The following TPM1 variants were observed in gnomAD, a reference collection of about 807,000 sequenced individuals.
The protein encoded by TPM1 is tropomyosin alpha-1 chain.
In TPM1, 24 loss-of-function variants were observed where a neutral mutation model predicts 42.9. The observed-to-expected ratio is 0.56, with a 90% CI of 0.41 to 0.79. TPM1 has a LOEUF of 0.79. TPM1 is among the 30% of genes least tolerant of loss of function. The probability of loss-of-function intolerance (pLI) is 0.00; values close to 1 mark genes in which losing one functional copy is unlikely to be tolerated. For missense variants in TPM1, 158 were observed against 351.8 expected, an observed-to-expected ratio of 0.45 and a Z score of 4.41; for synonymous variants, 136 against 130.1, an observed-to-expected ratio of 1.05 and a Z score of -0.31.
At chr15:63,065,706 AG>A (rs759734876) in intron 9 of TPM1, 189 bp from the exon 10 acceptor site, 1 of 963,740 alleles carries the variant, frequency 1.0e-6, no homozygotes, top group Non-Finnish European at 1.2e-6. Context: ...CCTTGCCGAA[AG>A]GCGGCCTGTG....
At chr15:63,070,196 TAGC>T (rs969448870), downstream of TPM1, 1 of 1,272,724 alleles carries the variant, frequency 7.9e-7, no homozygotes, top group African/African-American at 1.5e-5. Flanking sequence ...CTCCTTGAAA[TAGC>T]AGGTCCTCTT....
chr15:63,043,126 C>T lies in TPM1; in HGVS notation c.114+183C>T, dbSNP rs113902220. 486 of 610,130 alleles carry T rather than the reference C, an allele frequency of 8.0e-4. 6 individuals are homozygous for T. The African/African-American group carries it at 8.2e-3, about 10-fold the overall frequency. The allele number at this position is 610,130 out of a possible 1,614,324, so 37.8% of individuals were successfully genotyped here. ...AACGCAAGAGCCAGGCTTAGTCTAACTTAGTCTGGTCTGAGGACGCTTATT... is the reference window on the plus strand; with the variant it reads ...AACGCAAGAGCCAGGCTTAGTCTAATTTAGTCTGGTCTGAGGACGCTTATT... On this transcript the variant is annotated intron_variant, in intron 1 of 9. Coordinates refer to ENST00000403994, the MANE Select transcript of TPM1 (RefSeq NM_001018005.2).
At chr15:63,070,373 G>GT, downstream of TPM1, 1 of 995,638 alleles carries the variant, frequency 1.0e-6, no homozygotes, top group Non-Finnish European at 1.2e-6. Flanking sequence ...TAAATATCTG[G>GT]TATAGTGTTT....
intron 2 of TPM1, chr15:63,048,286 A>C (rs968560457): frequency 6.3e-6 from 4 of 637,232 alleles, no homozygotes; most frequent in Non-Finnish European, 1.0e-5. Context: ...GCGCGCCGGG[A>C]GCGCCTTTCT....
At chr15:63,053,215 T>A (rs1232970695) in intron 2 of TPM1, among the ~76,000 whole-genome samples, 1 of 152,248 alleles carries the variant, frequency 6.6e-6, no homozygotes, top group African/African-American at 2.4e-5. Context: ...AAGATTGTGA[T>A]AATCACTTTA....
Position 63,048,595 on chromosome 15 carries a change from T to G in TPM1, c.240+4443T>G, listed in dbSNP as rs1266217621. 2.6e-6 allele frequency: 4 copies of G among 1,531,578 alleles called. No homozygotes were observed. Among genetic ancestry groups the G allele is most frequent in the Non-Finnish European group, 3.5e-6 (4 of 1,141,638 alleles). The allele number at this position is 1,531,578 out of a possible 1,614,324, so 94.9% of individuals were successfully genotyped here. Reference sequence around the variant, plus strand: ...GGCGCGATGGCGGGGAGTAGCTCGCTGGAGGCGGTGCGCAGGAAGATCCGG... The same window carrying G: ...GGCGCGATGGCGGGGAGTAGCTCGCGGGAGGCGGTGCGCAGGAAGATCCGG... On this transcript the variant is annotated intron_variant, in intron 2 of 9. Transcript: ENST00000403994.
intron 2 of TPM1, chr15:63,045,534 G>A (rs1039668914): frequency 3.9e-5 from 6 of 152,138 alleles, no homozygotes; most frequent in African/African-American, 9.7e-5. Flanking sequence ...CCAGCAGGAC[G>A]TTTATTTAGC....
intron 2 of TPM1, among the ~76,000 whole-genome samples, chr15:63,055,278 C>T (rs1007992237): frequency 1.3e-5 from 2 of 152,222 alleles, no homozygotes; most frequent in African/African-American, 4.8e-5. Flanking sequence ...CCAATTACTA[C>T]ATTTTTGTCA....
chr15:63,056,821 T>C, intron 2 of TPM1, 164 bp from the exon 3 acceptor site: 4 of 847,296 alleles, frequency 4.7e-6, no homozygotes, highest in Non-Finnish European at 7.9e-6. Context: ...TGTGTAAATG[T>C]GTCCGAGAAC....
Position 63,057,374 on chromosome 15 carries a change from C to G in TPM1, c.374+256C>G, listed in dbSNP as rs566982838. On this transcript the variant is annotated intron_variant, in intron 3 of 9. Coordinates refer to ENST00000403994, the MANE Select transcript of TPM1 (RefSeq NM_001018005.2). ...CTTGTTCCTGCCCTTACAGAACTCACCATCTAATGAGGGAGACAGACATGT... is the reference window on the plus strand; with the variant it reads ...CTTGTTCCTGCCCTTACAGAACTCAGCATCTAATGAGGGAGACAGACATGT... 2.0e-5 allele frequency among the ~76,000 whole-genome samples: 3 copies of G among 152,178 alleles called. No homozygotes were observed. In the South Asian group the frequency reaches 6.2e-4, roughly 32 times the overall value.
At chr15:63,067,129 G>A (rs1418906056), downstream of TPM1, among the ~76,000 whole-genome samples, 1 of 151,662 alleles carries the variant, frequency 6.6e-6, no homozygotes, top group East Asian at 1.9e-4. Flanking sequence ...TGGATGATCT[G>A]CATGTTTTGT....
chr15:63,067,599 C>T (rs2036351063), downstream of TPM1, among the ~76,000 whole-genome samples: 1 of 152,182 alleles, frequency 6.6e-6, no homozygotes, highest in African/African-American at 2.4e-5. Context: ...TAAGTACACT[C>T]TACAAGGGGA....
intron 2 of TPM1, among the ~76,000 whole-genome samples, chr15:63,053,896 G>A (rs145338247): frequency 0.012 from 1,835 of 151,932 alleles, 46 homozygotes; most frequent in African/African-American, 0.04. Flanking sequence ...TGGTCAGGCT[G>A]GTCTCGAACT....
rs1054856163 is a variant in TPM1 at position 63,062,656 on chromosome 15, A to G, written c.772+11A>G. ...TTGATGACTTAGAAGGTAAGATCTTAAGTAGTGTTTTTAGTTTAATCCTTA... is the reference window on the plus strand; with the variant it reads ...TTGATGACTTAGAAGGTAAGATCTTGAGTAGTGTTTTTAGTTTAATCCTTA... On this transcript the variant is annotated intron_variant, in intron 8 of 9. Transcript: ENST00000403994. 5.0e-6 allele frequency: 8 copies of G among 1,614,100 alleles called. No individual in the cohort carries two copies. The highest frequency in any genetic ancestry group is 6.8e-6 in the Non-Finnish European group (8 of 1,180,038).
chr15:63,062,948 C>T, intron 8 of TPM1: 1 of 1,432,116 alleles, frequency 7.0e-7, no homozygotes, highest in Non-Finnish European at 9.1e-7. Context: ...GTGAGAATGA[C>T]TCTAGTATAT....
chr15:63,056,949 T>G (rs1277149546), intron 2 of TPM1, 36 bp from the exon 3 acceptor site: 15 of 1,613,710 alleles, frequency 9.3e-6, no homozygotes, highest in Non-Finnish European at 1.2e-5. Flanking sequence ...CCTCACTTTC[T>G]CCCCAACTCT....
intron 1 of TPM1, chr15:63,043,562 G>C: frequency 7.5e-7 from 1 of 1,326,936 alleles, no homozygotes; most frequent in South Asian, 1.3e-5. Context: ...CTCGGGTAAA[G>C]AGGAAGTTAC....
intron 2 of TPM1, chr15:63,048,275 A>T: frequency 1.7e-6 from 1 of 595,420 alleles, no homozygotes; most frequent in Non-Finnish European, 2.9e-6. Flanking sequence ...GTACCCCCGC[A>T]GCGCGCCGGG....
In TPM1 at chr15:63,059,477, T is replaced by C. The variant is rs2035286230; in HGVS notation, c.375-86T>C. 1.8e-5 allele frequency: 19 copies of C among 1,078,856 alleles called. No homozygotes were observed. In the South Asian group the frequency reaches 2.4e-4, roughly 13 times the overall value. 66.8% of individuals were successfully genotyped at this position (1,078,856 alleles called of 1,614,324 possible). On this transcript the variant is annotated intron_variant, in intron 3 of 9. Coordinates refer to ENST00000403994, the MANE Select transcript of TPM1 (RefSeq NM_001018005.2). ...CTCTATTTTGGTCTACCACTTACAC[T>C]AAGCCTCACAAGCCACAGCAGTGCA... is the stretch of plus-strand genomic sequence containing the variant.
Sources: allele counts gnomAD v4.1 joint callset (sites outside exome capture counted in the v4.1 genomes callset), GRCh38; gene constraint gnomAD v4.1.1; transcripts MANE v1.5; gene names NCBI Gene and HGNC (gene_info 2026-07-23, HGNC 2026-07-21).